The following VWA8 variants were observed in gnomAD, a reference collection of about 807,000 sequenced individuals.
The protein encoded by VWA8 is von Willebrand factor A domain containing 8.
A neutral mutation model predicts 241.5 loss-of-function variants in VWA8; 221 were observed. That is an observed-to-expected ratio of 0.91 (90% CI 0.82 to 1.02). VWA8 has a LOEUF of 1.02. VWA8 is among the 50% of genes least tolerant of loss of function. The pLI is 0.00. For missense variants in VWA8, 2,322 were observed against 2,328.7 expected, an observed-to-expected ratio of 1.00 and a Z score of 0.06; for synonymous variants, 852 against 827.1, an observed-to-expected ratio of 1.03 and a Z score of -0.52.
intron 26 of VWA8, among the ~76,000 whole-genome samples, chr13:41,705,925 T>C (rs776671294): frequency 5.9e-4 from 90 of 152,192 alleles, no homozygotes; most frequent in Non-Finnish European, 6.3e-4. Flanking sequence ...TATTAAAGCA[T>C]ATAAAAACAA....
At chr13:41,721,630 C>T in intron 24 of VWA8, 55 bp from the exon 25 acceptor site, 1 of 1,532,612 alleles carries the variant, frequency 6.5e-7, no homozygotes, top group Non-Finnish European at 8.8e-7. Flanking sequence ...TACGATGTCA[C>T]AGGAAAAAAT....
At chr13:41,785,414 T>C (rs2137940407) in intron 18 of VWA8, among the ~76,000 whole-genome samples, 1 of 152,318 alleles carries the variant, frequency 6.6e-6, no homozygotes, top group East Asian at 1.9e-4. Context: ...GGAAATACCT[T>C]AGCAAGCAAA....
intron 2 of VWA8, among the ~76,000 whole-genome samples, chr13:41,945,866 A>C (rs1028152905): frequency 6.6e-6 from 1 of 152,266 alleles, no homozygotes; most frequent in Non-Finnish European, 1.5e-5. Flanking sequence ...ATAATAGCCA[A>C]AATTTTGCCA....
chr13:41,568,556 T>TGAAAA (rs1402457916), intron 44 of VWA8, among the ~76,000 whole-genome samples: 3 of 152,208 alleles, frequency 2.0e-5, no homozygotes, highest in Non-Finnish European at 4.4e-5. Context: ...TCAGTGAATT[T>TGAAAA]GAAAAGAAAA....
chr13:41,932,491 A>C (rs2138142244), intron 2 of VWA8, among the ~76,000 whole-genome samples: 1 of 152,194 alleles, frequency 6.6e-6, no homozygotes, highest in Admixed American at 6.5e-5. Context: ...AAATCTGACA[A>C]AGACATGACA....
intron 26 of VWA8, 139 bp downstream of exon 26, chr13:41,719,452 G>GC (rs2045367959): frequency 6.7e-7 from 1 of 1,483,956 alleles, no homozygotes; most frequent in Non-Finnish European, 8.9e-7. Flanking sequence ...AAAGCAGCCA[G>GC]CAAACAGCAA....
intron 2 of VWA8, among the ~76,000 whole-genome samples, chr13:41,948,995 T>C (rs1228473241): frequency 8.1e-6 from 1 of 123,022 alleles, no homozygotes; most frequent in East Asian, 2.3e-4. Context: ...TCTATTTATA[T>C]ATAGCTAAAG....
intron 13 of VWA8, among the ~76,000 whole-genome samples, chr13:41,832,946 C>A (rs201011839): frequency 6.8e-6 from 1 of 147,440 alleles, no homozygotes; most frequent in East Asian, 2.0e-4. Flanking sequence ...TTCTCTCTCT[C>A]AAAAAAAAAA....
At chr13:41,689,250 C>T (rs1048277465) in intron 34 of VWA8, 104 bp downstream of exon 34, 13 of 1,246,198 alleles carry the variant, frequency 1.0e-5, no homozygotes, top group Non-Finnish European at 1.4e-5. Context: ...AACATGTTTA[C>T]CAGGAAATTA....
At chr13:41,742,556 G>A (rs530592188) in intron 21 of VWA8, among the ~76,000 whole-genome samples, 1 of 152,210 alleles carries the variant, frequency 6.6e-6, no homozygotes, top group Admixed American at 6.5e-5. Flanking sequence ...TGAGCTAAAG[G>A]TGAAAAACAG....
intron 26 of VWA8, among the ~76,000 whole-genome samples, chr13:41,714,305 G>C (rs2045335573): frequency 6.6e-6 from 1 of 151,858 alleles, no homozygotes; most frequent in African/African-American, 2.4e-5. Flanking sequence ...AGGAAAAGTA[G>C]CTTAATATGA....
At chr13:41,921,783 G>T (rs1165958535) in intron 2 of VWA8, among the ~76,000 whole-genome samples, 1 of 152,162 alleles carries the variant, frequency 6.6e-6, no homozygotes, top group Non-Finnish European at 1.5e-5. Flanking sequence ...CTAAATAAAA[G>T]AGGACACAAA....
chr13:41,684,330 C>CACTACCACT (rs1382887826), intron 35 of VWA8, among the ~76,000 whole-genome samples: 8 of 151,714 alleles, frequency 5.3e-5, no homozygotes, highest in African/African-American at 1.5e-4. Flanking sequence ...GATAATATAT[C>CACTACCACT]ACTACCACTG....
chr13:41,743,172 G>T (rs137857073), intron 21 of VWA8, among the ~76,000 whole-genome samples: 29 of 152,270 alleles, frequency 1.9e-4, no homozygotes, highest in South Asian at 4.1e-4. Context: ...TAGTGGCAAC[G>T]GGAGTCATTG....
chr13:41,705,948 T>A (rs947782149), intron 26 of VWA8, among the ~76,000 whole-genome samples: 13 of 152,164 alleles, frequency 8.5e-5, no homozygotes, highest in Non-Finnish European at 1.6e-4. Flanking sequence ...TCTGAATACA[T>A]CCCAAATTGG....
intron 42 of VWA8, among the ~76,000 whole-genome samples, chr13:41,580,244 T>C (rs745898937): frequency 9.2e-5 from 14 of 152,200 alleles, no homozygotes; most frequent in Non-Finnish European, 1.9e-4. Flanking sequence ...TTGGCCAATA[T>C]TTCTACATCC....
chr13:41,887,588 A>C (rs950319332), intron 5 of VWA8, among the ~76,000 whole-genome samples: 1 of 152,190 alleles, frequency 6.6e-6, no homozygotes. Context: ...CAGTTAACAC[A>C]CCAAGGAATA....
intron 13 of VWA8, among the ~76,000 whole-genome samples, chr13:41,832,134 T>C (rs906117830): frequency 6.6e-6 from 1 of 151,736 alleles, no homozygotes; most frequent in East Asian, 2.0e-4. Flanking sequence ...TTTCACCATC[T>C]TAGCCAGGAT....
chr13:41,919,828 T>C (rs1876428674), intron 2 of VWA8, among the ~76,000 whole-genome samples: 1 of 152,032 alleles, frequency 6.6e-6, no homozygotes, highest in South Asian at 2.1e-4. Flanking sequence ...ACCCTGCCTC[T>C]CAGGGACCTA....
Sources: allele counts gnomAD v4.1 joint callset (sites outside exome capture counted in the v4.1 genomes callset), GRCh38; gene constraint gnomAD v4.1.1; transcripts MANE v1.5; gene names NCBI Gene and HGNC (gene_info 2026-07-23, HGNC 2026-07-21).